DUSP11: variants seen among roughly 807,000 people sequenced by gnomAD.
DUSP11 encodes RNA/RNP complex-1-interacting phosphatase.
DUSP11 carries 27 observed loss-of-function variants against 41.4 expected under a neutral mutation model. The ratio of observed to expected loss-of-function variants is 0.65; its 90% CI spans 0.48 to 0.90. The LOEUF (loss-of-function observed/expected upper bound fraction) is 0.90, where lower values mean the gene tolerates loss of function less well. DUSP11 is among the 40% of genes least tolerant of loss of function. The pLI is 0.00. For synonymous variants in DUSP11, 188 were observed against 159.3 expected (o/e 1.18, Z -1.35); for missense variants, 465 against 461.1 (o/e 1.01, Z -0.08).
exon 5 of DUSP11, chr2:73,769,308 G>A (rs780348482): frequency 1.2e-6 from 2 of 1,612,824 alleles, no homozygotes; most frequent in Non-Finnish European, 1.7e-6. Flanking sequence ...TGGGTACAGT[G>A]GACACCAATA....
At chr2:73,771,554 C>A (rs558626847) in intron 4 of DUSP11, among the ~76,000 whole-genome samples, 5 of 151,572 alleles carry the variant, frequency 3.3e-5, no homozygotes, top group Non-Finnish European at 5.9e-5. Flanking sequence ...AGTGCAGTGG[C>A]GCAATCTCGG....
intron 8 of DUSP11, 90 bp downstream of exon 8, chr2:73,766,328 G>A (rs1369995040): frequency 8.3e-6 from 9 of 1,090,456 alleles, no homozygotes; most frequent in Admixed American, 2.8e-5. Context: ...AAAAAACGAA[G>A]AATTCCTCAT....
At chr2:73,762,758 T>G in exon 9 of DUSP11, 1 of 1,613,876 alleles carries the variant, frequency 6.2e-7, no homozygotes, top group South Asian at 1.1e-5. Flanking sequence ...GGCATTGGGC[T>G]TCACATTCCA....
At chr2:73,768,265 C>T (rs1264212355) in intron 5 of DUSP11, 1 of 172,372 alleles carries the variant, frequency 5.8e-6, no homozygotes, top group Non-Finnish European at 1.2e-5. Flanking sequence ...TGTACCATGT[C>T]ACTCCCCTTC....
intron 4 of DUSP11, 93 bp downstream of exon 4, chr2:73,773,706 CA>C: frequency 7.8e-7 from 1 of 1,274,934 alleles, no homozygotes; most frequent in Non-Finnish European, 1.1e-6. Flanking sequence ...TCATTAAATA[CA>C]ACAGGTCTGA....
intron 1 of DUSP11, among the ~76,000 whole-genome samples, chr2:73,779,318 G>A (rs1262728278): frequency 6.6e-6 from 1 of 152,242 alleles, no homozygotes; most frequent in African/African-American, 2.4e-5. Flanking sequence ...TGAGATGGTG[G>A]AGGATGGTCT....
intron 4 of DUSP11, among the ~76,000 whole-genome samples, chr2:73,772,141 T>G (rs1672595300): frequency 6.6e-6 from 1 of 152,162 alleles, no homozygotes. Context: ...TTAAACCACA[T>G]GCACTACATA....
chr2:73,769,208 C>T (rs1672527295), intron 5 of DUSP11, 57 bp downstream of exon 5: 2 of 1,445,968 alleles, frequency 1.4e-6, no homozygotes, highest in Middle Eastern at 1.8e-4. Context: ...CTTACATTAC[C>T]ATTGTAAACA....
chr2:73,767,412 GA>G, intron 5 of DUSP11: 1 of 450,014 alleles, frequency 2.2e-6, no homozygotes, highest in African/African-American at 2.0e-5. Flanking sequence ...CCCAACTCCA[GA>G]AAATCTATTT....
At chr2:73,767,388 G>C in intron 5 of DUSP11, 181 bp from the exon 6 acceptor site, 1 of 510,604 alleles carries the variant, frequency 2.0e-6, no homozygotes, top group Non-Finnish European at 3.4e-6. Context: ...CGTTTTTCAA[G>C]AATGCAAGGA....
In DUSP11 at chr2:73,767,669, CAA is replaced by C. The variant is rs199776129; in HGVS notation, c.636-464_636-463del. 7.3e-3 allele frequency: 1,152 copies of C among 156,812 alleles called. 17 individuals carry two copies. Among genetic ancestry groups the C allele is most frequent in the African/African-American group, 0.027 (1,106 of 41,564 alleles). 9.7% of individuals were successfully genotyped at this position (156,812 alleles called of 1,614,324 possible). ...CACCATCACTGTCAGCCATTTCTTC[CAA>C]ACTCTCATATTCAATTCACCACCAA... On this transcript the variant is annotated intron_variant, in intron 5 of 8. Coordinates refer to ENST00000272444, the Ensembl canonical transcript of DUSP11.
At chr2:73,779,617 A>G (rs1672754273) in intron 1 of DUSP11, 1 of 576,652 alleles carries the variant, frequency 1.7e-6, no homozygotes, top group African/African-American at 1.9e-5. Context: ...TCCCACCTTA[A>G]AGCAATCCTT....
At chr2:73,779,734 G>A (rs1194677048) in intron 1 of DUSP11, 140 bp downstream of exon 1, 2 of 1,302,782 alleles carry the variant, frequency 1.5e-6, no homozygotes, top group East Asian at 2.4e-5. Context: ...GGGTGGCGCA[G>A]AGGGTCAAAG....
chr2:73,768,683 G>A lies in DUSP11; in HGVS notation c.635+582C>T, dbSNP rs185793353. 2,317 of 985,288 alleles carry A rather than the reference G, an allele frequency of 2.4e-3. 3 individuals are homozygous for A. Among genetic ancestry groups the A allele is most frequent in the Non-Finnish European group, 2.6e-3 (2,161 of 829,904 alleles). 61.0% of individuals were successfully genotyped at this position (985,288 alleles called of 1,614,324 possible). On this transcript the variant is annotated intron_variant, in intron 5 of 8. Coordinates refer to ENST00000272444, the Ensembl canonical transcript of DUSP11. ...AAAAGAATAAGGAGTCTGGCCAGGC[G>A]CGGTGGCTCACTCCTGTAATACCAG...
chr2:73,771,154 C>T (rs1202252021), intron 4 of DUSP11, among the ~76,000 whole-genome samples: 1 of 152,198 alleles, frequency 6.6e-6, no homozygotes, highest in Non-Finnish European at 1.5e-5. Flanking sequence ...TATTTCTCTC[C>T]CCGACTAGAA....
At chr2:73,767,074 C>T (rs181544719) in intron 6 of DUSP11, 87 bp downstream of exon 6, 10 of 1,428,668 alleles carry the variant, frequency 7.0e-6, no homozygotes, top group Non-Finnish European at 9.8e-6. Context: ...TTACAAACTT[C>T]TTTTTTTCCA....
intron 8 of DUSP11, among the ~76,000 whole-genome samples, chr2:73,763,320 T>C (rs1558531472): frequency 6.6e-6 from 1 of 152,206 alleles, no homozygotes; most frequent in East Asian, 1.9e-4. Flanking sequence ...ATAAATTAAT[T>C]ATGAAGTGTG....
chr2:73,777,881 C>T (rs1237885997), intron 2 of DUSP11, among the ~76,000 whole-genome samples: 2 of 152,000 alleles, frequency 1.3e-5, no homozygotes, highest in African/African-American at 4.8e-5. Context: ...CCTTATCAAC[C>T]AAATGAAGAT....
In DUSP11 at chr2:73,775,176, A is replaced by C. The variant is rs1672654600; in HGVS notation, c.319-132T>G. 5.3e-6 allele frequency: 4 copies of C among 749,234 alleles called. No homozygotes were observed. The East Asian group carries it at 1.1e-4, about 21-fold the overall frequency. The allele number at this position is 749,234 out of a possible 1,614,324, so 46.4% of individuals were successfully genotyped here. ...AGTTTCCATTCTCCTGGAACATAGA[A>C]GGTATATTACAACAATCCTTTCTTC... On this transcript the variant is annotated intron_variant, in intron 2 of 8. Transcript: ENST00000272444.
Sources: allele counts gnomAD v4.1 joint callset (sites outside exome capture counted in the v4.1 genomes callset), GRCh38; gene constraint gnomAD v4.1.1; transcripts MANE v1.5; gene names NCBI Gene and HGNC (gene_info 2026-07-23, HGNC 2026-07-21).